Variants in PAPPA2 observed in about 807,000 individuals in gnomAD.
PAPPA2 encodes the protein pappalysin-2.
A neutral mutation model predicts 176.4 loss-of-function variants in PAPPA2; 86 were observed. That is an observed-to-expected ratio of 0.49 (90% CI 0.41 to 0.58). PAPPA2 has a LOEUF of 0.58. PAPPA2 is among the 20% of genes least tolerant of loss of function. The probability of loss-of-function intolerance (pLI) is 0.00; values close to 1 mark genes in which losing one functional copy is unlikely to be tolerated. For synonymous variants in PAPPA2, 809 were observed against 852.2 expected (o/e 0.95, Z 0.88); for missense variants, 2,073 against 2,256.9 (o/e 0.92, Z 1.65).
At chr1:176,679,188 C>T (rs558952042) in intron 4 of PAPPA2, among the ~76,000 whole-genome samples, 330 of 152,272 alleles carry the variant, frequency 2.2e-3, no homozygotes, top group Non-Finnish European at 3.9e-3. Context: ...GTTCTTCTGA[C>T]GTTCCCTGAG....
chr1:176,556,748 A>G lies in PAPPA2; in HGVS notation c.426A>G (p.Gly142=). The G allele has an allele frequency of 1.2e-6, 2 of 1,614,066 alleles. No individual in the cohort carries two copies. Among genetic ancestry groups the G allele is most frequent in the Non-Finnish European group, 1.7e-6 (2 of 1,179,982 alleles). ...DSPIGQSELL[G]DDDAYLGNQR... ...CTATTGGGCAATCTGAGCTGCTGGG[A>G]GATGATGACGCTTATCTCGGCAATC... The change falls in exon 2 of 23, where the codon GGA becomes GGG. Residue 142 remains glycine (G), a synonymous_variant. Coordinates refer to ENST00000367662, the MANE Select transcript of PAPPA2 (RefSeq NM_020318.3).
chr1:176,605,439 A>T (rs1474689011), intron 3 of PAPPA2, among the ~76,000 whole-genome samples: 2 of 152,222 alleles, frequency 1.3e-5, no homozygotes, highest in Non-Finnish European at 2.9e-5. Context: ...CATCTCTCTC[A>T]AAGGGTACAT....
intron 3 of PAPPA2, among the ~76,000 whole-genome samples, chr1:176,654,150 T>C (rs1657898718): frequency 6.6e-6 from 1 of 151,760 alleles, no homozygotes; most frequent in African/African-American, 2.4e-5. Context: ...CCAGAAGAGT[T>C]TTCCCTAGGT....
chr1:176,671,191 G>C (rs1182301399), intron 4 of PAPPA2, 76 bp downstream of exon 4: 1 of 1,570,288 alleles, frequency 6.4e-7, no homozygotes, highest in Non-Finnish European at 8.6e-7. Context: ...GTAAGTTTGG[G>C]GAAAAAAGAA....
At chr1:176,840,603 C>T (rs1667452033) in intron 22 of PAPPA2, among the ~76,000 whole-genome samples, 1 of 152,102 alleles carries the variant, frequency 6.6e-6, no homozygotes, top group Non-Finnish European at 1.5e-5. Flanking sequence ...GTGGGATTAT[C>T]AACAAACTGC....
intron 1 of PAPPA2, among the ~76,000 whole-genome samples, chr1:176,513,690 A>T (rs967541547): frequency 6.6e-6 from 1 of 152,168 alleles, no homozygotes; most frequent in Non-Finnish European, 1.5e-5. Context: ...GAGAGAGTTG[A>T]ATTCTATGAT....
chr1:176,556,288 T>A lies in PAPPA2; in HGVS notation c.-35T>A. ...TCACTCTGGTGTGGTACCCAGAAGT[T>A]GACTTCTGGTTCTGTAGAAAGAGCT... On this transcript the variant is annotated 5_prime_UTR_variant, in exon 2 of 23. Transcript: ENST00000367662. The A allele has an allele frequency of 1.9e-6, 3 of 1,587,436 alleles. No homozygotes were observed. The highest frequency in any genetic ancestry group is 1.7e-6 in the Non-Finnish European group (2 of 1,165,240).
At chr1:176,698,624 C>CT (rs1222494299) in intron 7 of PAPPA2, among the ~76,000 whole-genome samples, 20 of 152,138 alleles carry the variant, frequency 1.3e-4, no homozygotes, top group Non-Finnish European at 1.9e-4. Context: ...GTCTAACCAT[C>CT]AGTTGAAAGG....
Position 176,556,635 on chromosome 1 carries a change from A to T in PAPPA2, c.313A>T (p.Ser105Cys). The change falls in exon 2 of 23, where the codon AGC (serine) becomes TGC (cysteine). Residue 105 changes from serine (S) to cysteine (C), a missense_variant. Transcript: ENST00000367662. ...ACCAGACACTGAAGGAAATGCTGTG[A>T]GCCTTGTTCCCCCAGACCTGACTGA... ...SKPDTEGNAV[S>C]LVPPDLTENP... The T allele has an allele frequency of 6.2e-7, 1 of 1,614,198 alleles. No homozygotes were observed. The highest frequency in any genetic ancestry group is 2.2e-5 in the East Asian group (1 of 44,868).
chr1:176,833,760 C>A (rs1244604382), intron 21 of PAPPA2, among the ~76,000 whole-genome samples: 1 of 151,960 alleles, frequency 6.6e-6, no homozygotes. Flanking sequence ...GTACCATGTT[C>A]TTCACTTAGA....
chr1:176,468,505 G>A (rs1213820503), intron 1 of PAPPA2, among the ~76,000 whole-genome samples: 1 of 152,102 alleles, frequency 6.6e-6, no homozygotes, highest in Non-Finnish European at 1.5e-5. Flanking sequence ...CTAAGTGCTG[G>A]CAAAGTGGTC....
At chr1:176,471,822 G>A (rs981157800) in intron 1 of PAPPA2, among the ~76,000 whole-genome samples, 3 of 152,140 alleles carry the variant, frequency 2.0e-5, no homozygotes, top group Non-Finnish European at 2.9e-5. Context: ...CATTTGACCT[G>A]TAGAGTTTCT....
At chr1:176,733,383 C>T (rs1000932976) in intron 12 of PAPPA2, among the ~76,000 whole-genome samples, 6 of 152,226 alleles carry the variant, frequency 3.9e-5, no homozygotes, top group African/African-American at 9.6e-5. Flanking sequence ...ACTGTGTGTA[C>T]GTGAATCTCA....
At chr1:176,640,162 TTTTTTA>T (rs1354806504) in intron 3 of PAPPA2, among the ~76,000 whole-genome samples, 1 of 150,582 alleles carries the variant, frequency 6.6e-6, no homozygotes, top group Non-Finnish European at 1.5e-5. Flanking sequence ...ATGAATTTTA[TTTTTTA>T]TTTTTATTTT....
intron 21 of PAPPA2, among the ~76,000 whole-genome samples, chr1:176,819,519 C>T (rs1397911612): frequency 6.6e-6 from 1 of 152,156 alleles, no homozygotes; most frequent in East Asian, 1.9e-4. Context: ...ACATTTAACT[C>T]TTATGAAAAA....
chr1:176,524,831 G>T (rs1183394398), intron 1 of PAPPA2, among the ~76,000 whole-genome samples: 1 of 152,112 alleles, frequency 6.6e-6, no homozygotes, highest in Non-Finnish European at 1.5e-5. Context: ...AGACCATCCT[G>T]GCTAACACGA....
intron 21 of PAPPA2, among the ~76,000 whole-genome samples, chr1:176,819,685 C>T (rs758269916): frequency 4.9e-4 from 74 of 152,142 alleles, no homozygotes; most frequent in Non-Finnish European, 8.4e-4. Context: ...AAGGCTGAGC[C>T]GAGGCATAGC....
At chr1:176,478,866 T>C (rs1652256030) in intron 1 of PAPPA2, among the ~76,000 whole-genome samples, 2 of 152,206 alleles carry the variant, frequency 1.3e-5, no homozygotes, top group Admixed American at 6.5e-5. Context: ...AGTACACATA[T>C]TTATATCACA....
rs1035790682 is a variant in PAPPA2 at position 176,569,293 on chromosome 1, G to A, written c.919+12052G>A. On this transcript the variant is annotated intron_variant, in intron 2 of 22. Transcript: ENST00000367662. ...TGCCACAGATACAGCACTCTCCCTG[G>A]CCTCTAGCCCCTGATGTCTGTCCTT... Among the ~76,000 whole-genome samples, 8 of 152,224 alleles carry A rather than the reference G, an allele frequency of 5.3e-5. No individual in the cohort carries two copies. The East Asian group carries it at 9.7e-4, about 18-fold the overall frequency.
Sources: allele counts gnomAD v4.1 joint callset (sites outside exome capture counted in the v4.1 genomes callset), GRCh38; gene constraint gnomAD v4.1.1; transcripts MANE v1.5; gene names NCBI Gene and HGNC (gene_info 2026-07-23, HGNC 2026-07-21).